Variants in HSD3B1 observed in about 807,000 individuals in gnomAD.
The protein encoded by HSD3B1 is hydroxy-delta-5-steroid dehydrogenase, 3 beta- and steroid delta-isomerase 1.
In HSD3B1, 11 loss-of-function variants were observed where a neutral mutation model predicts 10.4. That is an observed-to-expected ratio of 1.05 (90% CI 0.66 to 1.75). The LOEUF (loss-of-function observed/expected upper bound fraction) is 1.75. Ranked by LOEUF, HSD3B1 falls within the 40% of genes most tolerant of loss-of-function variation. The pLI is 0.00. For missense variants in HSD3B1, 490 were observed against 454.5 expected (o/e 1.08, Z -0.71); for synonymous variants, 217 against 185.4 (o/e 1.17, Z -1.39).
chr1:119,514,238 G>T lies in HSD3B1; in HGVS notation c.715G>T (p.Ala239Ser), dbSNP rs1654035542. The T allele has an allele frequency of 6.2e-7, 1 of 1,613,970 alleles. No individual in the cohort carries two copies. Reference sequence around the variant, plus strand: ...CTGGGCCCACATTCTGGCCTTGAGGGCCCTGCAGGACCCCAAGAAGGCCCC... The same window carrying T: ...CTGGGCCCACATTCTGGCCTTGAGGTCCCTGCAGGACCCCAAGAAGGCCCC... ...VAWAHILALR[A>S]LQDPKKAPSI... Residue 239 changes from alanine to serine, a missense_variant, in exon 4 of 4, where the codon GCC becomes TCC. Ala to Ser is a moderately conservative substitution (Grantham distance 99). Coordinates refer to ENST00000369413, the MANE Select transcript of HSD3B1 (RefSeq NM_000862.3).
Position 119,507,407 on chromosome 1 carries a change from C to G in HSD3B1, c.-70C>G, listed in dbSNP as rs778742181. On this transcript the variant is annotated 5_prime_UTR_variant, in exon 2 of 4. Transcript: ENST00000369413. The stretch of plus-strand genomic sequence containing the variant: ...CTCTTTTTAGCCCTCTCCAGGGTCA[C>G]CCTAGAATCAGATCTGCTCCCCAGC... 12 of 1,538,614 alleles carry G rather than the reference C, an allele frequency of 7.8e-6. No homozygotes were observed. The highest frequency in any genetic ancestry group is 1.4e-5 in the African/African-American group (1 of 73,338).
intron 2 of HSD3B1, among the ~76,000 whole-genome samples, chr1:119,510,486 G>C (rs1007785251): frequency 6.6e-6 from 1 of 151,920 alleles, no homozygotes; most frequent in African/African-American, 2.4e-5. Context: ...GACCTTCAAG[G>C]TAAGGTCTGA....
At chr1:119,511,449 A>T (rs1038851978) in intron 2 of HSD3B1, 54 bp from the exon 3 acceptor site, 9 of 1,585,922 alleles carry the variant, frequency 5.7e-6, no homozygotes, top group Non-Finnish European at 7.8e-6. Flanking sequence ...TTATCAGAAA[A>T]CTTCTCAGCC....
At chr1:119,512,129 G>A (rs1008292387) in intron 3 of HSD3B1, among the ~76,000 whole-genome samples, 3 of 152,162 alleles carry the variant, frequency 2.0e-5, no homozygotes, top group Non-Finnish European at 4.4e-5. Flanking sequence ...AACATTCAGA[G>A]CCCTCCTGCC....
rs760496088 is a variant in HSD3B1 at position 119,511,617 on chromosome 1, A to T, written c.260A>T (p.Asp87Val). The change falls in exon 3 of 4, where the codon GAT becomes GTT. Residue 87 changes from aspartate (D) to valine (V), a missense_variant. Coordinates refer to ENST00000369413, the MANE Select transcript of HSD3B1 (RefSeq NM_000862.3). ...SVIIHTACIIDVFGVTHRESI... is the reference protein window; with the variant it reads ...SVIIHTACIIVVFGVTHRESI... ...ATCATCCACACCGCCTGTATCATTG[A>T]TGTCTTCGGTGTCACTCACAGAGAG... 2.0e-5 allele frequency: 32 copies of T among 1,613,650 alleles called. No individual in the cohort carries two copies. Among genetic ancestry groups the T allele is most frequent in the Non-Finnish European group, 2.4e-5 (28 of 1,179,746 alleles).
intron 2 of HSD3B1, 111 bp downstream of exon 2, chr1:119,507,732 C>A: frequency 9.4e-7 from 1 of 1,061,904 alleles, no homozygotes; most frequent in Non-Finnish European, 1.5e-6. Context: ...AAATCTAAGC[C>A]AATCTCACAT....
chr1:119,514,794 T>G lies in HSD3B1; in HGVS notation c.*149T>G. 1.2e-6 allele frequency: 1 copy of G among 845,902 alleles called. No individual in the cohort carries two copies. Among genetic ancestry groups the G allele is most frequent in the Non-Finnish European group, 1.9e-6 (1 of 520,658 alleles). The allele number at this position is 845,902 out of a possible 1,614,324, so 52.4% of individuals were successfully genotyped here. ...AATGGCCAACTTATTGTATTCCTCATGTCATCAAAACCTGCGCAGTCATTG... is the reference window on the plus strand; with the variant it reads ...AATGGCCAACTTATTGTATTCCTCAGGTCATCAAAACCTGCGCAGTCATTG... On this transcript the variant is annotated 3_prime_UTR_variant, in exon 4 of 4. Transcript: ENST00000369413.
intron 2 of HSD3B1, 55 bp downstream of exon 2, chr1:119,507,676 T>TG (rs1210741122): frequency 1.9e-6 from 3 of 1,552,608 alleles, no homozygotes; most frequent in East Asian, 2.2e-5. Context: ...TGCATGTATG[T>TG]GGGGGGAGAT....
chr1:119,507,930 T>C (rs1653835193), intron 2 of HSD3B1: 2 of 304,240 alleles, frequency 6.6e-6, no homozygotes, highest in South Asian at 3.5e-5. Flanking sequence ...TCTGCAACTC[T>C]TTTATGTTCT....
intron 2 of HSD3B1, among the ~76,000 whole-genome samples, chr1:119,509,573 G>A (rs925020189): frequency 4.6e-5 from 7 of 152,182 alleles, no homozygotes; most frequent in Non-Finnish European, 7.3e-5. Flanking sequence ...GAAGGGCAGA[G>A]GTGGAACTAG....
intron 2 of HSD3B1, among the ~76,000 whole-genome samples, chr1:119,510,965 C>T (rs1376540749): frequency 6.6e-6 from 1 of 151,860 alleles, no homozygotes; most frequent in Non-Finnish European, 1.5e-5. Context: ...AAGCTGGTCT[C>T]AACCTCCTGC....
intron 3 of HSD3B1, among the ~76,000 whole-genome samples, chr1:119,512,190 G>A (rs1570880081): frequency 6.6e-6 from 1 of 152,080 alleles, no homozygotes; most frequent in Non-Finnish European, 1.5e-5. Context: ...TGGTTCACAA[G>A]GTCTGTCAGG....
In HSD3B1 at chr1:119,514,272, G is replaced by A. The variant is rs772688126; in HGVS notation, c.749G>A (p.Arg250Gln). Reference protein sequence around the residue: ...LQDPKKAPSIRGQFYYISDDT... With the variant: ...LQDPKKAPSIQGQFYYISDDT... ...GACCCCAAGAAGGCCCCAAGCATCC[G>A]AGGACAGTTCTACTATATCTCAGAT... The change falls in exon 4 of 4, where the codon CGA becomes CAA. Residue 250 changes from arginine (R) to glutamine (Q), a missense_variant. Physicochemically the swap from Arg to Gln is conservative, Grantham distance 43. Transcript: ENST00000369413. 1.4e-5 allele frequency: 23 copies of A among 1,613,972 alleles called. No individual in the cohort carries two copies. Among genetic ancestry groups the A allele is most frequent in the Admixed American group, 6.7e-5 (4 of 59,996 alleles).
At position 119,514,821 on chromosome 1, in the gene HSD3B1, C is replaced by A; in HGVS notation, c.*176C>A. 1.4e-6 allele frequency: 1 copy of A among 702,094 alleles called. No homozygotes were observed. The highest frequency in any genetic ancestry group is 2.4e-6 in the Non-Finnish European group (1 of 409,048). 43.5% of individuals were successfully genotyped at this position (702,094 alleles called of 1,614,324 possible). On this transcript the variant is annotated 3_prime_UTR_variant, in exon 4 of 4. Coordinates refer to ENST00000369413, the MANE Select transcript of HSD3B1 (RefSeq NM_000862.3). ...TCATCAAAACCTGCGCAGTCATTGG[C>A]CCAACAAGAAGGTTTCTGTCCTAAT...
At chr1:119,508,370 TAA>T (rs71074421) in intron 2 of HSD3B1, among the ~76,000 whole-genome samples, 12,339 of 140,566 alleles carry the variant, frequency 0.088, 1,471 homozygotes, top group African/African-American at 0.28. Flanking sequence ...GGCTTTTTTT[TAA>T]AAAAAAAAAA....
Position 119,507,572 on chromosome 1 carries a change from C to CA in HSD3B1, c.97dup (p.Arg33LysfsTer17), listed in dbSNP as rs1263094119. 6.2e-7 allele frequency: 1 copy of CA among 1,613,868 alleles called. No individual in the cohort carries two copies. The highest frequency in any genetic ancestry group is 8.5e-7 in the Non-Finnish European group (1 of 1,179,942). Reference sequence around the variant, plus strand: ...TGAAGGAGAAGGAGCTGAAGGAGATCAGGGTCTTGGACAAGGCCTTCGGAC... The same window carrying CA: ...TGAAGGAGAAGGAGCTGAAGGAGATCAAGGGTCTTGGACAAGGCCTTCGGAC... On this transcript the variant is annotated frameshift_variant, in exon 2 of 4. Transcript: ENST00000369413. LOFTEE classifies it high-confidence loss of function.
Position 119,513,898 on chromosome 1 carries a change from C to T in HSD3B1, c.375C>T (p.Ser125=). 4 of 1,613,986 alleles carry T rather than the reference C, an allele frequency of 2.5e-6. No homozygotes were observed. The highest frequency in any genetic ancestry group is 3.4e-6 in the Non-Finnish European group (4 of 1,179,978). ...TGCCAGTCTTCATCTACACCAGTAG[C>T]ATAGAGGTAGCCGGGCCCAACTCCT... The part of the protein sequence containing the change: ...ASVPVFIYTS[S]IEVAGPNSYK... Residue 125 remains serine, a synonymous_variant, in exon 4 of 4, where the codon AGC becomes AGT. Transcript: ENST00000369413.
Position 119,509,649 on chromosome 1 carries a change from C to T in HSD3B1, c.146-1854C>T, listed in dbSNP as rs1426060405. Among the ~76,000 whole-genome samples, 5 of 152,126 alleles carry T rather than the reference C, an allele frequency of 3.3e-5. 1 individual carries two copies. The highest frequency in any genetic ancestry group is 5.9e-5 in the Non-Finnish European group (4 of 68,026). On this transcript the variant is annotated intron_variant, in intron 2 of 3. Transcript: ENST00000369413. Reference sequence around the variant, plus strand: ...CCACCAGCAGCCTCTTCCCTGACTCCCCCACTCCAGGACCTTCTTGGAGTT... The same window carrying T: ...CCACCAGCAGCCTCTTCCCTGACTCTCCCACTCCAGGACCTTCTTGGAGTT...
At chr1:119,511,267 T>C (rs1653928551) in intron 2 of HSD3B1, among the ~76,000 whole-genome samples, 2 of 152,204 alleles carry the variant, frequency 1.3e-5, no homozygotes, top group Admixed American at 1.3e-4. Flanking sequence ...AGCTCACTGC[T>C]CAGATTACTT....
Sources: gnomAD v4.1 joint callset for allele counts (sites outside exome capture counted in the v4.1 genomes callset) on GRCh38, gnomAD v4.1.1 for gene constraint, MANE v1.5 for transcripts, NCBI Gene and HGNC (gene_info 2026-07-23, HGNC 2026-07-21) for gene names.